Variants in TENM4 observed in about 807,000 individuals in gnomAD.
TENM4 encodes the protein teneurin transmembrane protein 4, also known as teneurin-4.
In TENM4, 82 loss-of-function variants were observed where a neutral mutation model predicts 243.3. The ratio of observed to expected loss-of-function variants is 0.34; its 90% CI spans 0.28 to 0.40. TENM4 has a LOEUF of 0.40. TENM4 is among the 10% of genes least tolerant of loss of function. The pLI, the probability that TENM4 is intolerant of heterozygous loss-of-function variation, is 1.00. For missense variants in TENM4, 3,138 were observed against 3,673.3 expected (o/e 0.85, Z 3.77); for synonymous variants, 1,412 against 1,456.3 (o/e 0.97, Z 0.69).
chr11:78,906,229 A>G (rs1267358301), intron 6 of TENM4, among the ~76,000 whole-genome samples: 1 of 152,258 alleles, frequency 6.6e-6, no homozygotes, highest in Non-Finnish European at 1.5e-5. Flanking sequence ...CTTCGGGGGC[A>G]GTATTTGTAT....
chr11:79,109,705 C>T (rs1165412195), intron 4 of TENM4, among the ~76,000 whole-genome samples: 1 of 152,188 alleles, frequency 6.6e-6, no homozygotes, highest in East Asian at 1.9e-4. Flanking sequence ...AGTTCTGAAC[C>T]CGCTGCCTTC....
chr11:79,332,219 C>A (rs546480497), intron 1 of TENM4, among the ~76,000 whole-genome samples: 2 of 152,192 alleles, frequency 1.3e-5, no homozygotes, highest in African/African-American at 4.8e-5. Flanking sequence ...GAAGCCAAAC[C>A]TTCAGCTATC....
intron 9 of TENM4, among the ~76,000 whole-genome samples, chr11:78,883,115 A>T (rs1855471476): frequency 6.6e-6 from 1 of 152,254 alleles, no homozygotes; most frequent in Non-Finnish European, 1.5e-5. Flanking sequence ...ACTGTGGGTG[A>T]GGTCCAAGGA....
chr11:78,722,781 G>C lies in TENM4; in HGVS notation c.3687C>G (p.Leu1229=), dbSNP rs549762416. The C allele has an allele frequency of 6.2e-7, 1 of 1,614,076 alleles. No homozygotes were observed. The highest frequency in any genetic ancestry group is 1.3e-5 in the African/African-American group (1 of 75,072). ...CACAGGTGAGGGCCACTGGGGCCAG[G>C]AGCTTGTTGCCGTCAGCAAGGCCGT... The part of the protein sequence containing the change: ...SCNGLADGNK[L]LAPVALTCGS... The change falls in exon 24 of 34, where the codon CTC becomes CTG. Residue 1229 remains leucine (L), a synonymous_variant. Transcript: ENST00000278550.
chr11:79,170,986 A>C (rs1332284143), intron 3 of TENM4, among the ~76,000 whole-genome samples: 18 of 152,102 alleles, frequency 1.2e-4, no homozygotes. Context: ...AGTCAGTTTA[A>C]ATTTGACTTG....
intron 6 of TENM4, among the ~76,000 whole-genome samples, chr11:78,976,783 T>C (rs1373864732): frequency 6.6e-6 from 1 of 152,136 alleles, no homozygotes; most frequent in African/African-American, 2.4e-5. Context: ...TAGGTCCAAA[T>C]TGGAAGAAAA....
intron 1 of TENM4, among the ~76,000 whole-genome samples, chr11:79,309,599 G>A (rs1297645448): frequency 6.6e-6 from 1 of 152,180 alleles, no homozygotes; most frequent in Non-Finnish European, 1.5e-5. Flanking sequence ...AGAAGAAGCA[G>A]GTTTCCAAAT....
At chr11:79,019,253 G>A (rs540710812) in intron 6 of TENM4, among the ~76,000 whole-genome samples, 1 of 152,138 alleles carries the variant, frequency 6.6e-6, no homozygotes, top group African/African-American at 2.4e-5. Context: ...GGTAGAGGAC[G>A]GCAGCAAGGC....
At chr11:78,824,028 G>A (rs146955788) in intron 12 of TENM4, among the ~76,000 whole-genome samples, 120 of 152,224 alleles carry the variant, frequency 7.9e-4, no homozygotes, top group African/African-American at 2.7e-3. Context: ...AGTTGATGCC[G>A]CTAATAAGTG....
chr11:79,253,540 C>T (rs990825489), intron 2 of TENM4, among the ~76,000 whole-genome samples: 2 of 152,160 alleles, frequency 1.3e-5, no homozygotes, highest in Non-Finnish European at 2.9e-5. Context: ...AAATGGATGA[C>T]ACAGAGTCCC....
chr11:79,164,620 C>T (rs1195001022), intron 3 of TENM4, among the ~76,000 whole-genome samples: 1 of 138,658 alleles, frequency 7.2e-6, no homozygotes. Context: ...GGCTGTGTCC[C>T]CACCCAAATC....
At chr11:79,094,471 A>G (rs1298086491) in intron 4 of TENM4, among the ~76,000 whole-genome samples, 7 of 152,130 alleles carry the variant, frequency 4.6e-5, no homozygotes, top group African/African-American at 1.7e-4. Context: ...ATATTCGTCT[A>G]CCATGCCTCT....
At chr11:79,165,148 G>A (rs1005521126) in intron 3 of TENM4, among the ~76,000 whole-genome samples, 2 of 151,920 alleles carry the variant, frequency 1.3e-5, no homozygotes, top group Non-Finnish European at 2.9e-5. Flanking sequence ...TTTTCTCTGG[G>A]TATCTACCCA....
intron 2 of TENM4, among the ~76,000 whole-genome samples, chr11:79,232,460 C>T (rs1009820221): frequency 4.6e-5 from 7 of 152,200 alleles, no homozygotes; most frequent in Admixed American, 1.3e-4. Flanking sequence ...GCAGTGACTG[C>T]GAGTGAGTTT....
chr11:79,409,097 TGTGTGCGCGCGCGCGC>T (rs1361090524), intron 1 of TENM4, among the ~76,000 whole-genome samples: 84 of 104,824 alleles, frequency 8.0e-4, no homozygotes, highest in African/African-American at 3.2e-3. Context: ...TGTGTGTGTG[TGTGTGCGCGCGCGCGC>T]GTGCGTGCAC....
At chr11:78,974,841 T>C (rs1857616051) in intron 6 of TENM4, among the ~76,000 whole-genome samples, 1 of 151,614 alleles carries the variant, frequency 6.6e-6, no homozygotes, top group Non-Finnish European at 1.5e-5. Context: ...CATGCCACCA[T>C]GCCTGGCTAA....
At chr11:79,405,174 C>CATT (rs148027362) in intron 1 of TENM4, among the ~76,000 whole-genome samples, 111 of 152,046 alleles carry the variant, frequency 7.3e-4, no homozygotes, top group Non-Finnish European at 8.8e-5. Context: ...ACAACAATAA[C>CATT]ATTATTATTA....
At chr11:78,914,794 C>A (rs624045) in intron 6 of TENM4, among the ~76,000 whole-genome samples, 1 of 151,998 alleles carries the variant, frequency 6.6e-6, no homozygotes, top group South Asian at 2.1e-4. Flanking sequence ...TAGCTGTCAT[C>A]TTCCACATAT....
At chr11:78,661,251 C>G (rs73512854) in intron 33 of TENM4, among the ~76,000 whole-genome samples, 198 bp downstream of exon 33, 4,122 of 152,282 alleles carry the variant, frequency 0.027, 193 homozygotes, top group African/African-American at 0.095. Context: ...TTGTAAGCGT[C>G]TGTGTGTGGT....
Sources: gnomAD v4.1 joint callset for allele counts (sites outside exome capture counted in the v4.1 genomes callset) on GRCh38, gnomAD v4.1.1 for gene constraint, MANE v1.5 for transcripts, NCBI Gene and HGNC (gene_info 2026-07-23, HGNC 2026-07-21) for gene names.